CDH9: variants seen among roughly 807,000 people sequenced by gnomAD.
CDH9 encodes cadherin-9.
In CDH9, 28 loss-of-function variants were observed where a neutral mutation model predicts 70.9. The observed-to-expected ratio is 0.40, with a 90% CI of 0.29 to 0.54. CDH9 has a LOEUF of 0.54. CDH9 is among the 20% of genes least tolerant of loss of function. CDH9 has a pLI of 0.59. For synonymous variants in CDH9, 409 were observed against 343.1 expected, an observed-to-expected ratio of 1.19 and a Z score of -2.12; for missense variants, 874 against 984.4, an observed-to-expected ratio of 0.89 and a Z score of 1.50.
At chr5:26,923,613 G>T (rs1257680008) in intron 2 of CDH9, among the ~76,000 whole-genome samples, 1 of 151,984 alleles carries the variant, frequency 6.6e-6, no homozygotes, top group East Asian at 1.9e-4. Context: ...TCTAATGGCT[G>T]CAGAACATAC....
At chr5:26,919,536 G>A (rs532629252) in intron 2 of CDH9, among the ~76,000 whole-genome samples, 86 of 152,240 alleles carry the variant, frequency 5.6e-4, no homozygotes, top group African/African-American at 2.0e-3. Flanking sequence ...TGCCTTGCTC[G>A]GCTCAGAGCC....
intron 2 of CDH9, among the ~76,000 whole-genome samples, chr5:26,952,629 C>T (rs1463995297): frequency 3.0e-4 from 18 of 59,268 alleles, no homozygotes; most frequent in Middle Eastern, 0.016. Flanking sequence ...AGAAAGACTC[C>T]GTCTCAAAAA....
At chr5:26,904,060 CA>C (rs1740904031) in intron 5 of CDH9, among the ~76,000 whole-genome samples, 1 of 151,612 alleles carries the variant, frequency 6.6e-6, no homozygotes, top group Non-Finnish European at 1.5e-5. Flanking sequence ...GAGAATGTCC[CA>C]AATTTATTTA....
intron 2 of CDH9, among the ~76,000 whole-genome samples, chr5:26,923,678 T>C (rs1443613191): frequency 6.6e-6 from 1 of 152,030 alleles, no homozygotes; most frequent in African/African-American, 2.4e-5. Context: ...AAAACATATT[T>C]TGAAAATCTA....
intron 1 of CDH9, among the ~76,000 whole-genome samples, chr5:27,027,357 A>C (rs142444432): frequency 6.6e-6 from 1 of 152,174 alleles, no homozygotes; most frequent in African/African-American, 2.4e-5. Context: ...GAAATTAATC[A>C]TTAAATTAAT....
intron 2 of CDH9, among the ~76,000 whole-genome samples, chr5:26,980,761 G>A (rs1043005926): frequency 3.3e-5 from 5 of 151,798 alleles, no homozygotes; most frequent in Non-Finnish European, 7.4e-5. Flanking sequence ...AGTCTATTGA[G>A]TCAGAAGAAA....
intron 3 of CDH9, among the ~76,000 whole-genome samples, chr5:26,907,368 C>T (rs998092808): frequency 6.6e-6 from 1 of 151,892 alleles, no homozygotes; most frequent in Non-Finnish European, 1.5e-5. Context: ...TTTTTGTTCC[C>T]AAGATATACC....
intron 9 of CDH9, among the ~76,000 whole-genome samples, chr5:26,889,565 C>T (rs1252431745): frequency 6.6e-6 from 1 of 152,004 alleles, no homozygotes; most frequent in Non-Finnish European, 1.5e-5. Context: ...CAGGTAACAG[C>T]TTCTACATAT....
chr5:26,906,744 T>A lies in CDH9; in HGVS notation c.618A>T (p.Pro206=). The part of the protein sequence containing the change: ...KVVYSILQGQ[P]YFSVDPESGI... Reference sequence around the variant, plus strand: ...CTGATTCTGGGTCCACTGAAAAATATGGCTGTCCTTGCAATATGCTATAGA... The same window carrying A: ...CTGATTCTGGGTCCACTGAAAAATAAGGCTGTCCTTGCAATATGCTATAGA... Residue 206 remains proline, a synonymous_variant, in exon 4 of 12, where the codon CCA becomes CCT. Transcript: ENST00000231021. 1 of 1,613,206 alleles carries A rather than the reference T, an allele frequency of 6.2e-7. No homozygotes were observed. Among genetic ancestry groups the A allele is most frequent in the Non-Finnish European group, 8.5e-7 (1 of 1,179,552 alleles).
At chr5:26,888,729 T>C (rs932849152) in intron 9 of CDH9, among the ~76,000 whole-genome samples, 1 of 152,206 alleles carries the variant, frequency 6.6e-6, no homozygotes, top group Non-Finnish European at 1.5e-5. Context: ...CTCATAGTTC[T>C]GGAGAATGTA....
At chr5:26,998,601 G>A (rs919147948) in intron 1 of CDH9, among the ~76,000 whole-genome samples, 1 of 151,914 alleles carries the variant, frequency 6.6e-6, no homozygotes, top group African/African-American at 2.4e-5. Context: ...GACGGGGGAG[G>A]GATAGCATTT....
At chr5:26,904,441 T>C (rs1740911558) in intron 5 of CDH9, among the ~76,000 whole-genome samples, 1 of 151,994 alleles carries the variant, frequency 6.6e-6, no homozygotes, top group South Asian at 2.1e-4. Context: ...AAAACTTTAA[T>C]GTTAATGAAG....
intron 1 of CDH9, among the ~76,000 whole-genome samples, chr5:27,033,404 A>G (rs1374044457): frequency 6.6e-6 from 1 of 151,498 alleles, no homozygotes. Flanking sequence ...ACATAGCTAT[A>G]GATACAGATA....
At chr5:26,956,775 A>G (rs553999222) in intron 2 of CDH9, among the ~76,000 whole-genome samples, 6 of 152,248 alleles carry the variant, frequency 3.9e-5, no homozygotes, top group African/African-American at 1.4e-4. Context: ...ATACATCTCT[A>G]TTGATTAGAA....
intron 11 of CDH9, among the ~76,000 whole-genome samples, chr5:26,882,283 G>T (rs1479680): frequency 1 from 152,099 of 152,178 alleles, 76,010 homozygotes; most frequent in Non-Finnish European, 1. Context: ...TTAACTTATC[G>T]TGCAAAACAC....
At chr5:27,001,029 A>G (rs1184529831) in intron 1 of CDH9, among the ~76,000 whole-genome samples, 2 of 152,162 alleles carry the variant, frequency 1.3e-5, no homozygotes, top group Non-Finnish European at 2.9e-5. Flanking sequence ...TAATACTGCA[A>G]TGGTAGATAC....
intron 7 of CDH9, among the ~76,000 whole-genome samples, chr5:26,899,932 AAAAT>A (rs1195414066): frequency 6.6e-6 from 1 of 151,910 alleles, no homozygotes; most frequent in African/African-American, 2.4e-5. Flanking sequence ...TTTTTTTGAG[AAAAT>A]AAATAAATTT....
rs1467316840 is a variant in CDH9 at position 26,928,509 on chromosome 5, G to A, written c.229-12585C>T. On this transcript the variant is annotated intron_variant, in intron 2 of 11. Transcript: ENST00000231021. ...GAAAAAGAATCTTAAAATTTTTATG[G>A]ACTCACAGAAGACCTAGAGTAGCCA... Among the ~76,000 whole-genome samples the A allele has an allele frequency of 3.9e-5, 6 of 152,058 alleles. No individual in the cohort carries two copies. In the East Asian group the frequency reaches 9.7e-4, roughly 24 times the overall value.
chr5:26,955,390 A>C (rs1741928954), intron 2 of CDH9, among the ~76,000 whole-genome samples: 1 of 152,224 alleles, frequency 6.6e-6, no homozygotes, highest in South Asian at 2.1e-4. Context: ...ATAAATTAAA[A>C]TCAAGTTATC....
Sources: gnomAD v4.1 joint callset for allele counts (sites outside exome capture counted in the v4.1 genomes callset) on GRCh38, gnomAD v4.1.1 for gene constraint, MANE v1.5 for transcripts, NCBI Gene and HGNC (gene_info 2026-07-23, HGNC 2026-07-21) for gene names.